PATJ: variants seen among roughly 807,000 people sequenced by gnomAD.
The protein encoded by PATJ is inaD-like protein.
PATJ carries 190 observed loss-of-function variants against 224.9 expected under a neutral mutation model. The observed-to-expected ratio is 0.84, with a 90% CI of 0.75 to 0.95. The LOEUF (loss-of-function observed/expected upper bound fraction) is 0.95, where lower values mean the gene tolerates loss of function less well. Ranked by LOEUF, PATJ falls within the 40% of genes least tolerant of loss-of-function variation. The pLI, the probability that PATJ is intolerant of heterozygous loss-of-function variation, is 0.00. For missense variants in PATJ, 2,121 were observed against 2,270.3 expected, an observed-to-expected ratio of 0.93 and a Z score of 1.34; for synonymous variants, 769 against 820.3, an observed-to-expected ratio of 0.94 and a Z score of 1.07.
intron 33 of PATJ, among the ~76,000 whole-genome samples, chr1:62,087,745 CT>C (rs1660197896): frequency 1.3e-5 from 2 of 151,780 alleles, no homozygotes; most frequent in Non-Finnish European, 2.9e-5. Flanking sequence ...GATAAAAGTA[CT>C]GTTAACATTT....
chr1:61,899,005 A>G (rs995369462), intron 22 of PATJ, among the ~76,000 whole-genome samples: 5 of 152,052 alleles, frequency 3.3e-5, no homozygotes, highest in Non-Finnish European at 7.4e-5. Context: ...GTAGTACTAT[A>G]CTAACTTAAC....
chr1:61,823,645 G>C (rs541231540), intron 15 of PATJ, among the ~76,000 whole-genome samples: 1 of 152,320 alleles, frequency 6.6e-6, no homozygotes, highest in African/African-American at 2.4e-5. Flanking sequence ...TCTCCCAAGT[G>C]TTAGGATACA....
intron 28 of PATJ, among the ~76,000 whole-genome samples, chr1:62,013,900 A>G (rs894289671): frequency 1.3e-5 from 2 of 152,054 alleles, no homozygotes; most frequent in African/African-American, 2.4e-5. Flanking sequence ...CAGCTTCCCA[A>G]GTAGCTGGGA....
chr1:61,748,070 G>A (rs1027639447), intron 1 of PATJ, among the ~76,000 whole-genome samples: 2 of 151,614 alleles, frequency 1.3e-5, no homozygotes, highest in African/African-American at 2.4e-5. Flanking sequence ...TAGTAGAGAC[G>A]GGGTTTCACC....
chr1:61,783,840 C>T (rs1408711742), intron 7 of PATJ, among the ~76,000 whole-genome samples: 2 of 151,514 alleles, frequency 1.3e-5, no homozygotes, highest in East Asian at 3.9e-4. Context: ...CTCCACCTCC[C>T]AGGTTCAAGT....
intron 14 of PATJ, among the ~76,000 whole-genome samples, chr1:61,813,352 T>C (rs956427735): frequency 2.4e-5 from 1 of 41,990 alleles, no homozygotes; most frequent in African/African-American, 9.7e-5. Context: ...TATATATATA[T>C]ATATATATAT....
At chr1:62,073,598 G>T (rs535814911) in intron 31 of PATJ, among the ~76,000 whole-genome samples, 14 of 152,002 alleles carry the variant, frequency 9.2e-5, no homozygotes, top group African/African-American at 3.4e-4. Flanking sequence ...GCACCACTGC[G>T]CTCCAGCCTG....
At chr1:62,080,448 C>T (rs143714265) in intron 32 of PATJ, among the ~76,000 whole-genome samples, 1,658 of 152,082 alleles carry the variant, frequency 0.011, 28 homozygotes, top group African/African-American at 0.037. Flanking sequence ...TCTCCTGCCT[C>T]GGCCTCCTGA....
chr1:61,908,202 GTTC>G (rs1292902114), intron 24 of PATJ, among the ~76,000 whole-genome samples, 167 bp from the exon 25 acceptor site: 1 of 152,090 alleles, frequency 6.6e-6, no homozygotes, highest in Non-Finnish European at 1.5e-5. Flanking sequence ...CCTTGAACAT[GTTC>G]TTCTAAAATT....
intron 33 of PATJ, among the ~76,000 whole-genome samples, chr1:62,107,352 A>G (rs564737338): frequency 2.0e-4 from 31 of 151,764 alleles, no homozygotes; most frequent in Non-Finnish European, 4.1e-4. Context: ...GCAGCCCTCT[A>G]AGACACCTAT....
intron 18 of PATJ, among the ~76,000 whole-genome samples, chr1:61,857,162 C>T (rs370735172): frequency 1.3e-5 from 2 of 152,064 alleles, no homozygotes; most frequent in African/African-American, 4.8e-5. Context: ...TTATGGTGCT[C>T]TGGAGGCCTC....
intron 33 of PATJ, among the ~76,000 whole-genome samples, chr1:62,099,649 CCG>C (rs1661903510): frequency 6.6e-6 from 1 of 151,966 alleles, no homozygotes; most frequent in Non-Finnish European, 1.5e-5. Flanking sequence ...TGTAATTAAG[CCG>C]TGTATTCATA....
intron 29 of PATJ, among the ~76,000 whole-genome samples, chr1:62,028,962 A>AG: frequency 8.5e-5 from 1 of 11,736 alleles, no homozygotes; most frequent in South Asian, 2.5e-3. Flanking sequence ...ACCCTGTCTC[A>AG]AAATACATAC....
intron 31 of PATJ, chr1:62,078,717 C>G (rs942696178): frequency 6.6e-6 from 1 of 152,472 alleles, no homozygotes; most frequent in Non-Finnish European, 1.5e-5. Context: ...ACTTTCTACC[C>G]TGAGTTACTC....
intron 25 of PATJ, among the ~76,000 whole-genome samples, chr1:61,912,739 G>A (rs889835624): frequency 1.3e-5 from 2 of 151,304 alleles, no homozygotes; most frequent in African/African-American, 4.9e-5. Flanking sequence ...AGGGAAGGCA[G>A]CGTAAACATT....
In PATJ at chr1:62,013,316, T is replaced by A. The variant is rs118025378; in HGVS notation, c.3868-4540T>A. 3.3e-4 allele frequency: 323 copies of A among 984,662 alleles called. 4 individuals carry two copies. The East Asian group carries it at 0.013, about 38-fold the overall frequency. The allele number at this position is 984,662 out of a possible 1,614,324, so 61.0% of individuals were successfully genotyped here. On this transcript the variant is annotated intron_variant, in intron 28 of 43. Coordinates refer to ENST00000642238, the MANE Select transcript of PATJ (RefSeq NM_001350145.3). ...CCTACATGCTCAAGCGTTTTGCTGA[T>A]CAAAACCATTTTTTTTTTAACCTTA...
At chr1:62,072,053 T>A (rs1384671847) in intron 31 of PATJ, among the ~76,000 whole-genome samples, 2 of 152,020 alleles carry the variant, frequency 1.3e-5, no homozygotes, top group Non-Finnish European at 2.9e-5. Flanking sequence ...TATGATAATT[T>A]CCCCTGAAAA....
At chr1:61,790,516 T>TG (rs71706463) in intron 8 of PATJ, among the ~76,000 whole-genome samples, 4 of 20,384 alleles carry the variant, frequency 2.0e-4, no homozygotes, top group African/African-American at 4.3e-4. Flanking sequence ...CTTTTTTTTG[T>TG]TTTTTTTTTT....
chr1:62,039,636 C>T (rs1285630801), intron 30 of PATJ, among the ~76,000 whole-genome samples: 1 of 152,044 alleles, frequency 6.6e-6, no homozygotes, highest in Non-Finnish European at 1.5e-5. Context: ...CTTGTGTAGC[C>T]GAAACACAGG....
Sources: gnomAD v4.1 joint callset for allele counts (sites outside exome capture counted in the v4.1 genomes callset) on GRCh38, gnomAD v4.1.1 for gene constraint, MANE v1.5 for transcripts, NCBI Gene and HGNC (gene_info 2026-07-23, HGNC 2026-07-21) for gene names.